SPATA18: variants seen among roughly 807,000 people sequenced by gnomAD.
SPATA18 encodes the protein spermatogenesis associated 18, also known as mitochondria-eating protein.
SPATA18 carries 54 observed loss-of-function variants against 68.1 expected under a neutral mutation model. That is an observed-to-expected ratio of 0.79 (90% confidence interval 0.64 to 0.99). The LOEUF is 0.99. SPATA18 is among the 50% of genes least tolerant of loss of function. The pLI, the probability that SPATA18 is intolerant of heterozygous loss-of-function variation, is 0.00. For synonymous variants in SPATA18, 242 were observed against 244.8 expected, an observed-to-expected ratio of 0.99 and a Z score of 0.11; for missense variants, 724 against 681.1, an observed-to-expected ratio of 1.06 and a Z score of -0.70.
intron 6 of SPATA18, among the ~76,000 whole-genome samples, chr4:52,076,523 G>T (rs998666293): frequency 5.9e-5 from 9 of 152,088 alleles, no homozygotes; most frequent in African/African-American, 1.7e-4. Flanking sequence ...AGCGTTTATG[G>T]GTCAAAATCG....
At chr4:52,052,535 T>G (rs1029147309) in intron 1 of SPATA18, among the ~76,000 whole-genome samples, 1 of 152,148 alleles carries the variant, frequency 6.6e-6, no homozygotes, top group African/African-American at 2.4e-5. Flanking sequence ...ATTCGGTCGG[T>G]CCGTCTTAAA....
rs1276278804 is a variant in SPATA18 at position 52,082,245 on chromosome 4, A to G, written c.1356-142A>G. On this transcript the variant is annotated intron_variant, in intron 9 of 12. Coordinates refer to ENST00000295213, the MANE Select transcript of SPATA18 (RefSeq NM_145263.4). ...ATTAGTTCCTATTCTAAGAGGCCACAAAGATTCTTAAATAACAGAATTTGA... is the reference window on the plus strand; with the variant it reads ...ATTAGTTCCTATTCTAAGAGGCCACGAAGATTCTTAAATAACAGAATTTGA... The G allele has an allele frequency of 6.4e-6, 5 of 783,004 alleles. No homozygotes were observed. The East Asian group carries it at 7.8e-5, about 12-fold the overall frequency. 48.5% of individuals were successfully genotyped at this position (783,004 alleles called of 1,614,324 possible). A position where few individuals can be genotyped will look rare whatever the true frequency, so the allele number is the denominator to read the frequency against.
chr4:52,075,930 A>G (rs1740300868), intron 6 of SPATA18, among the ~76,000 whole-genome samples: 1 of 152,238 alleles, frequency 6.6e-6, no homozygotes, highest in Admixed American at 6.5e-5. Flanking sequence ...ATCAAAGGCA[A>G]TAGTTGAAGC....
At chr4:52,072,837 G>A (rs1380331477) in intron 6 of SPATA18, among the ~76,000 whole-genome samples, 2 of 152,204 alleles carry the variant, frequency 1.3e-5, no homozygotes, top group African/African-American at 4.8e-5. Context: ...TCTCTCCAGG[G>A]ATACTGTCCA....
chr4:52,073,338 C>T (rs1050500562), intron 6 of SPATA18, among the ~76,000 whole-genome samples: 2 of 152,118 alleles, frequency 1.3e-5, no homozygotes, highest in Non-Finnish European at 1.5e-5. Context: ...TATGGAGACC[C>T]GTTTACTTCA....
In SPATA18 at chr4:52,077,022, C is replaced by T; in HGVS notation, c.1002C>T (p.Ile334=). 6.2e-7 allele frequency: 1 copy of T among 1,606,510 alleles called. No individual in the cohort carries two copies. The highest frequency in any genetic ancestry group is 8.5e-7 in the Non-Finnish European group (1 of 1,176,272). The change falls in exon 7 of 13, where the codon ATC becomes ATT. Residue 334 remains isoleucine (I), a synonymous_variant. Coordinates refer to ENST00000295213, the MANE Select transcript of SPATA18 (RefSeq NM_145263.4). ...ACAAGGCTGAGACCGTTCAGCGGATCATCTACATCGCCACAGTGGTATGTG... is the reference window on the plus strand; with the variant it reads ...ACAAGGCTGAGACCGTTCAGCGGATTATCTACATCGCCACAGTGGTATGTG... ...CIDKAETVQR[I]IYIATVEAFH... is the part of the protein sequence containing the mutation.
At chr4:52,078,342 A>G (rs1740588505) in intron 7 of SPATA18, 1 of 155,496 alleles carries the variant, frequency 6.4e-6, no homozygotes, top group Non-Finnish European at 1.4e-5. Flanking sequence ...AACATATGCC[A>G]GGACACATGT....
intron 9 of SPATA18, 110 bp downstream of exon 9, chr4:52,080,029 A>G (rs535251029): frequency 8.3e-7 from 1 of 1,207,790 alleles, no homozygotes; most frequent in Admixed American, 2.3e-5. Flanking sequence ...ATTAACAGAC[A>G]CTACCTGATT....
rs770103494 is a variant in SPATA18, at chr4:52,051,693, GAA to G, written c.-11_-10del. 2.2e-5 allele frequency: 35 copies of G among 1,613,984 alleles called. No homozygotes were observed. In the East Asian group the frequency reaches 6.5e-4, roughly 30 times the overall value. Reference sequence around the variant, plus strand: ...CCATCGCGCAGCGTGGGGCCGAGAGGAATAGTGAGCGATGGCGGAAAACCTGA... The same window carrying G: ...CCATCGCGCAGCGTGGGGCCGAGAGGTAGTGAGCGATGGCGGAAAACCTGA... On this transcript the variant is annotated 5_prime_UTR_variant, in exon 1 of 13. Transcript: ENST00000295213.
At position 52,097,009 on chromosome 4, in the gene SPATA18, A is replaced by G. The variant is rs1424471413; in HGVS notation, c.*2122A>G. On this transcript the variant is annotated 3_prime_UTR_variant, in exon 13 of 13. Transcript: ENST00000295213. ...TATTTGCTTTCTACCCTGCCTGGCC[A>G]CTTGCTGTTTCTTCAGTTTCTAATT... 6.6e-6 allele frequency: 1 copy of G among 152,152 alleles called. No individual in the cohort carries two copies. The highest frequency in any genetic ancestry group is 6.5e-5 in the Admixed American group (1 of 15,270). The allele number at this position is 152,152 out of a possible 1,614,324, so 9.4% of individuals were successfully genotyped here.
Position 52,060,479 on chromosome 4 carries a change from G to A in SPATA18, c.148G>A (p.Val50Met). The A allele has an allele frequency of 4.3e-6, 7 of 1,614,024 alleles. No homozygotes were observed. The highest frequency in any genetic ancestry group is 5.9e-6 in the Non-Finnish European group (7 of 1,179,958). ...TGAACTCATTGAGCAAGTTGCCAAG[G>A]TGCAGGGACAACTCTTTGGGATCCT... ...CLELIEQVAKVQGQLFGILTA... is the reference protein window; with the variant it reads ...CLELIEQVAKMQGQLFGILTA... Residue 50 changes from valine to methionine, a missense_variant, in exon 2 of 13, where the codon GTG becomes ATG. Physicochemically the swap from Val to Met is conservative, Grantham distance 21 (BLOSUM62 1). Coordinates refer to ENST00000295213, the MANE Select transcript of SPATA18 (RefSeq NM_145263.4).
At chr4:52,053,452 C>A (rs1000594441) in intron 1 of SPATA18, among the ~76,000 whole-genome samples, 24 of 152,156 alleles carry the variant, frequency 1.6e-4, no homozygotes, top group African/African-American at 4.8e-4. Context: ...AATGTTGACA[C>A]CTGTATTCTT....
intron 6 of SPATA18, among the ~76,000 whole-genome samples, chr4:52,073,079 TC>T (rs1224761873): frequency 2.0e-5 from 3 of 152,244 alleles, no homozygotes; most frequent in African/African-American, 7.2e-5. Context: ...GAGCCCCCAT[TC>T]CCATTCTCTA....
Position 52,094,929 on chromosome 4 carries a change from C to T in SPATA18, c.*42C>T. 1 of 1,613,452 alleles carries T rather than the reference C, an allele frequency of 6.2e-7. No homozygotes were observed. The highest frequency in any genetic ancestry group is 1.3e-5 in the African/African-American group (1 of 75,038). ...CCTTTGACCCAGTGCGTGGAAACAG[C>T]TGCTTTCTCCAGTGCCGCCATCTGT... is the stretch of plus-strand genomic sequence containing the variant. On this transcript the variant is annotated 3_prime_UTR_variant, in exon 13 of 13. Transcript: ENST00000295213.
intron 1 of SPATA18, among the ~76,000 whole-genome samples, chr4:52,060,057 A>C (rs1578149533): frequency 6.6e-6 from 1 of 152,202 alleles, no homozygotes; most frequent in Admixed American, 6.5e-5. Flanking sequence ...TTGTGGCTCC[A>C]CCATCCCTTA....
intron 9 of SPATA18, among the ~76,000 whole-genome samples, chr4:52,080,465 A>C (rs1003235877): frequency 2.0e-5 from 3 of 152,218 alleles, no homozygotes; most frequent in Non-Finnish European, 4.4e-5. Flanking sequence ...CAACTTTTAC[A>C]GGATAAATAT....
intron 6 of SPATA18, among the ~76,000 whole-genome samples, chr4:52,075,693 A>G (rs1331242963): frequency 1.3e-5 from 2 of 152,270 alleles, no homozygotes; most frequent in African/African-American, 4.8e-5. Context: ...ATTTCTTCCA[A>G]CAAAAAAGAG....
chr4:52,057,682 T>A (rs1451432075), intron 1 of SPATA18, among the ~76,000 whole-genome samples: 2 of 152,200 alleles, frequency 1.3e-5, no homozygotes, highest in Admixed American at 1.3e-4. Flanking sequence ...TATTTAAATG[T>A]CTTTTCTAAG....
rs968337593 is a variant in SPATA18, at chr4:52,094,946, G to A, written c.*59G>A. 40 of 1,604,222 alleles carry A rather than the reference G, an allele frequency of 2.5e-5. No homozygotes were observed. The highest frequency in any genetic ancestry group is 1.7e-4 in the Middle Eastern group (1 of 6,046). ...GGAAACAGCTGCTTTCTCCAGTGCCGCCATCTGTCTTCTGTGTCTGCCTCA... is the reference window on the plus strand; with the variant it reads ...GGAAACAGCTGCTTTCTCCAGTGCCACCATCTGTCTTCTGTGTCTGCCTCA... On this transcript the variant is annotated 3_prime_UTR_variant, in exon 13 of 13. Coordinates refer to ENST00000295213, the MANE Select transcript of SPATA18 (RefSeq NM_145263.4).
Sources: allele counts gnomAD v4.1 joint callset (sites outside exome capture counted in the v4.1 genomes callset), GRCh38; gene constraint gnomAD v4.1.1; transcripts MANE v1.5; gene names NCBI Gene and HGNC (gene_info 2026-07-23, HGNC 2026-07-21).